Variants in PLXDC2 observed in about 807,000 individuals in gnomAD.
PLXDC2 encodes plexin domain-containing protein 2.
Under a neutral mutation model 68.9 loss-of-function variants are expected in PLXDC2, and 40 were observed. The observed-to-expected ratio is 0.58, with a 90% confidence interval of 0.45 to 0.76. PLXDC2 has a LOEUF of 0.76. Among genes scored for constraint, PLXDC2 ranks in the 30% least tolerant of loss-of-function variants. The pLI is 0.00. For synonymous variants in PLXDC2, 243 were observed against 234.2 expected, an observed-to-expected ratio of 1.04 and a Z score of -0.34; for missense variants, 644 against 661.9, an observed-to-expected ratio of 0.97 and a Z score of 0.30.
chr10:20,085,716 TG>T (rs1295640012), intron 4 of PLXDC2, among the ~76,000 whole-genome samples: 1 of 152,202 alleles, frequency 6.6e-6, no homozygotes, highest in Non-Finnish European at 1.5e-5. Context: ...TTCTGACACT[TG>T]GACCCAGGCA....
chr10:19,918,428 G>A (rs1833405708), intron 1 of PLXDC2, among the ~76,000 whole-genome samples: 1 of 152,192 alleles, frequency 6.6e-6, no homozygotes, highest in Admixed American at 6.5e-5. Context: ...TACATTAAGG[G>A]AAGCTGTGAA....
chr10:19,827,715 C>T (rs1200404291), intron 1 of PLXDC2, among the ~76,000 whole-genome samples: 1 of 152,116 alleles, frequency 6.6e-6, no homozygotes, highest in African/African-American at 2.4e-5. Flanking sequence ...CGCGCCACCA[C>T]ACCCGGCTAA....
intron 4 of PLXDC2, chr10:20,091,807 A>G (rs1296950275): frequency 6.6e-6 from 1 of 152,260 alleles, no homozygotes; most frequent in Non-Finnish European, 1.5e-5. Context: ...GGCCCCCAAG[A>G]CTGAGTTCCA....
Position 20,008,425 on chromosome 10 carries a change from G to A in PLXDC2, c.324+6439G>A, listed in dbSNP as rs185316435. On this transcript the variant is annotated intron_variant, in intron 2 of 13. Coordinates refer to ENST00000377252, the MANE Select transcript of PLXDC2 (RefSeq NM_032812.9). ...CAAAATTAGCCAGGCATGGTGGTGC[G>A]TGTTGTAGTCCCAGATACTCGAGAG... 1.4e-3 allele frequency among the ~76,000 whole-genome samples: 219 copies of A among 152,144 alleles called. 1 individual carries two copies. The highest frequency in any genetic ancestry group is 4.6e-3 in the African/African-American group (191 of 41,518).
intron 1 of PLXDC2, among the ~76,000 whole-genome samples, chr10:19,881,597 A>C (rs912512450): frequency 1.3e-5 from 2 of 152,236 alleles, no homozygotes; most frequent in African/African-American, 4.8e-5. Context: ...ATGCCAGATA[A>C]CAGAATTTTT....
rs373554920 is a variant in PLXDC2, at chr10:20,167,299, G to A, written c.883+2732G>A. On this transcript the variant is annotated intron_variant, in intron 7 of 13. Transcript: ENST00000377252. ...AGCTTCTGTATAACAAGAGATACAC[G>A]GTTGCATTGTATTCTCAGCTAACAG... Among the ~76,000 whole-genome samples the A allele has an allele frequency of 1.8e-4, 27 of 152,146 alleles. No homozygotes were observed. In the East Asian group the frequency reaches 2.5e-3, roughly 14 times the overall value.
intron 9 of PLXDC2, among the ~76,000 whole-genome samples, chr10:20,183,255 A>G (rs775422606): frequency 2.6e-5 from 4 of 151,942 alleles, no homozygotes; most frequent in Admixed American, 6.6e-5. Flanking sequence ...TATCATATAG[A>G]TAGTGTTTAA....
Position 20,115,911 on chromosome 10 carries a change from G to T in PLXDC2, c.542-27384G>T, listed in dbSNP as rs373363087. ...TGACTGGTGCACTCACACATTAAAC[G>T]GGAGCTGCAGATAAATGTCCATGGA... On this transcript the variant is annotated intron_variant, in intron 4 of 13. Coordinates refer to ENST00000377252, the MANE Select transcript of PLXDC2 (RefSeq NM_032812.9). Among the ~76,000 whole-genome samples the T allele has an allele frequency of 4.1e-4, 62 of 152,124 alleles. No individual in the cohort carries two copies. In the East Asian group the frequency reaches 7.2e-3, roughly 18 times the overall value.
intron 3 of PLXDC2, among the ~76,000 whole-genome samples, chr10:20,063,479 C>G (rs1836140421): frequency 6.6e-6 from 1 of 152,050 alleles, no homozygotes; most frequent in Admixed American, 6.6e-5. Context: ...CTTCTGTATT[C>G]AAGGTTTTGG....
At chr10:19,835,673 G>T (rs983709423) in intron 1 of PLXDC2, among the ~76,000 whole-genome samples, 1 of 152,170 alleles carries the variant, frequency 6.6e-6, no homozygotes, top group Non-Finnish European at 1.5e-5. Flanking sequence ...GGAAACTGAG[G>T]AATGGGCCCC....
At chr10:20,140,387 C>CATAT (rs10675416) in intron 4 of PLXDC2, among the ~76,000 whole-genome samples, 38,361 of 146,694 alleles carry the variant, frequency 0.26, 5,939 homozygotes, top group East Asian at 0.48. Flanking sequence ...AGAAAAATAA[C>CATAT]ATATATATAT....
rs181613057 is a variant in PLXDC2, at chr10:20,060,960, G to C, written c.472-7210G>C. 2.7e-3 allele frequency among the ~76,000 whole-genome samples: 414 copies of C among 152,198 alleles called. 6 individuals carry two copies. Among genetic ancestry groups the C allele is most frequent in the African/African-American group, 9.1e-3 (376 of 41,520 alleles). The stretch of plus-strand genomic sequence containing the variant: ...GAAGTCTTAGCTCCAATGCCTACTG[G>C]TGATTTGAATTTATCACTCATCCTT... On this transcript the variant is annotated intron_variant, in intron 3 of 13. Coordinates refer to ENST00000377252, the MANE Select transcript of PLXDC2 (RefSeq NM_032812.9).
At chr10:20,119,080 T>C (rs1204925721) in intron 4 of PLXDC2, among the ~76,000 whole-genome samples, 1 of 152,092 alleles carries the variant, frequency 6.6e-6, no homozygotes, top group Non-Finnish European at 1.5e-5. Flanking sequence ...GAGAAAACCA[T>C]GAACCTGAGG....
At chr10:19,935,519 G>A (rs1229521441) in intron 1 of PLXDC2, among the ~76,000 whole-genome samples, 2 of 152,200 alleles carry the variant, frequency 1.3e-5, no homozygotes, top group Admixed American at 1.3e-4. Context: ...TGGGAGCTCA[G>A]GCTGGACGTG....
intron 13 of PLXDC2, among the ~76,000 whole-genome samples, chr10:20,251,915 A>G (rs567727339): frequency 6.6e-6 from 1 of 151,934 alleles, no homozygotes; most frequent in East Asian, 1.9e-4. Context: ...GCCTTGGAAA[A>G]TAGATTCTAT....
At chr10:20,255,328 A>G (rs1835729735) in intron 13 of PLXDC2, among the ~76,000 whole-genome samples, 1 of 152,124 alleles carries the variant, frequency 6.6e-6, no homozygotes, top group Non-Finnish European at 1.5e-5. Flanking sequence ...TGTAAGCCTG[A>G]ATTATGACAT....
rs549578213 is a variant in PLXDC2 at position 19,828,078 on chromosome 10, C to T, written c.112+10887C>T. On this transcript the variant is annotated intron_variant, in intron 1 of 13. Coordinates refer to ENST00000377252, the MANE Select transcript of PLXDC2 (RefSeq NM_032812.9). The stretch of plus-strand genomic sequence containing the variant: ...ATACCTGGCTTCTTAGGAACTATCA[C>T]GATGGAGGAGTGAGCTCAACTCAAA... Among the ~76,000 whole-genome samples, 29 of 152,306 alleles carry T rather than the reference C, an allele frequency of 1.9e-4. No individual in the cohort carries two copies. The South Asian group carries it at 5.6e-3, about 29-fold the overall frequency.
At chr10:20,000,625 T>C (rs1182681876) in intron 1 of PLXDC2, among the ~76,000 whole-genome samples, 1 of 152,172 alleles carries the variant, frequency 6.6e-6, no homozygotes, top group East Asian at 1.9e-4. Context: ...AGCACCTTTC[T>C]GAGTTGAAAA....
chr10:20,166,781 T>A (rs1452813713), intron 7 of PLXDC2, among the ~76,000 whole-genome samples: 1 of 152,180 alleles, frequency 6.6e-6, no homozygotes, highest in Non-Finnish European at 1.5e-5. Flanking sequence ...TGTTGGTATA[T>A]TCCCAATGAT....
Sources: allele counts gnomAD v4.1 joint callset (sites outside exome capture counted in the v4.1 genomes callset), GRCh38; gene constraint gnomAD v4.1.1; transcripts MANE v1.5; gene names NCBI Gene and HGNC (gene_info 2026-07-23, HGNC 2026-07-21).